The following TAF1B variants were observed in gnomAD, a reference collection of about 807,000 sequenced individuals.
TAF1B encodes the protein TATA box-binding protein-associated factor RNA polymerase I subunit B.
In TAF1B, 61 loss-of-function variants were observed where a neutral mutation model predicts 83.9. The observed-to-expected ratio is 0.73, with a 90% confidence interval of 0.59 to 0.90. The LOEUF is 0.90. TAF1B is among the 40% of genes least tolerant of loss of function. The probability of loss-of-function intolerance (pLI) is 0.00; values close to 1 mark genes in which losing one functional copy is unlikely to be tolerated. For synonymous variants in TAF1B, 221 were observed against 224.6 expected, an observed-to-expected ratio of 0.98 and a Z score of 0.14; for missense variants, 625 against 677.0, an observed-to-expected ratio of 0.92 and a Z score of 0.85.
At chr2:9,931,132 C>A (rs1666198312) in intron 14 of TAF1B, among the ~76,000 whole-genome samples, 1 of 152,120 alleles carries the variant, frequency 6.6e-6, no homozygotes, top group African/African-American at 2.4e-5. Flanking sequence ...ATTTGCCAGT[C>A]TGTGTCTTTT....
At chr2:9,885,054 G>T (rs1217802200) in intron 8 of TAF1B, among the ~76,000 whole-genome samples, 1 of 152,204 alleles carries the variant, frequency 6.6e-6, no homozygotes, top group Non-Finnish European at 1.5e-5. Flanking sequence ...GAAGTATAGT[G>T]TAACAAATTC....
intron 6 of TAF1B, among the ~76,000 whole-genome samples, chr2:9,870,136 C>A (rs926482174): frequency 6.6e-6 from 1 of 151,982 alleles, no homozygotes; most frequent in Non-Finnish European, 1.5e-5. Flanking sequence ...CAAAACTCTA[C>A]AAATCATTCT....
At chr2:9,882,666 A>G (rs773272591) in intron 7 of TAF1B, 40 bp from the exon 8 acceptor site, 1 of 1,433,296 alleles carries the variant, frequency 7.0e-7, no homozygotes, top group Non-Finnish European at 9.7e-7. Flanking sequence ...CTATATCAGT[A>G]TATAACTCTC....
At chr2:9,872,878 A>G (rs1664211882) in intron 6 of TAF1B, among the ~76,000 whole-genome samples, 1 of 152,218 alleles carries the variant, frequency 6.6e-6, no homozygotes, top group East Asian at 1.9e-4. Flanking sequence ...TTGCAGTTCC[A>G]TTACGTTCTC....
chr2:9,926,375 C>G (rs1666038544), intron 14 of TAF1B, among the ~76,000 whole-genome samples: 1 of 152,306 alleles, frequency 6.6e-6, no homozygotes, highest in South Asian at 2.1e-4. Context: ...GGCCCCACCT[C>G]TTTATCTCTC....
In TAF1B at chr2:9,878,785, C is replaced by CA. The variant is rs548290356; in HGVS notation, c.707+2770dup. 7.9e-5 allele frequency among the ~76,000 whole-genome samples: 12 copies of CA among 152,270 alleles called. No individual in the cohort carries two copies. The South Asian group carries it at 2.5e-3, about 32-fold the overall frequency. On this transcript the variant is annotated intron_variant, in intron 7 of 14. Coordinates refer to ENST00000263663, the MANE Select transcript of TAF1B (RefSeq NM_005680.3). ...ATTTCAAGACCAGAGGAGGAAAAAACAAACACATACATATGGTTGGTGCAA... is the reference window on the plus strand; with the variant it reads ...ATTTCAAGACCAGAGGAGGAAAAAACAAAACACATACATATGGTTGGTGCAA...
chr2:9,843,640 C>G, intron 1 of TAF1B, 81 bp downstream of exon 1: 1 of 1,390,040 alleles, frequency 7.2e-7, no homozygotes, highest in South Asian at 1.5e-5. Context: ...CGGAGGACGC[C>G]GCGGGTTGGG....
intron 2 of TAF1B, chr2:9,846,283 T>A: frequency 2.7e-6 from 1 of 364,672 alleles, no homozygotes; most frequent in Non-Finnish European, 5.4e-6. Context: ...TAAACGAGGC[T>A]ACCTTCACAT....
intron 6 of TAF1B, among the ~76,000 whole-genome samples, chr2:9,874,523 C>T (rs1664263268): frequency 6.6e-6 from 1 of 152,132 alleles, no homozygotes; most frequent in Non-Finnish European, 1.5e-5. Flanking sequence ...CCTCCTGTCT[C>T]ATCCTCCCTA....
chr2:9,891,074 C>T (rs1664858058), intron 8 of TAF1B, among the ~76,000 whole-genome samples: 1 of 152,216 alleles, frequency 6.6e-6, no homozygotes, highest in African/African-American at 2.4e-5. Context: ...ACCTGGCCTA[C>T]TCTCTTACTT....
chr2:9,851,437 G>T, intron 3 of TAF1B, 104 bp from the exon 4 acceptor site: 1 of 889,794 alleles, frequency 1.1e-6, no homozygotes, highest in Non-Finnish European at 1.7e-6. Context: ...GAAAAAAAAA[G>T]AAAAATTCAA....
At position 9,910,909 on chromosome 2, in the gene TAF1B, G is replaced by A. The variant is rs150678685; in HGVS notation, c.1129G>A (p.Glu377Lys). Reference protein sequence around the residue: ...KLLFLLDDSFEWSLSNLAEKH... With the variant: ...KLLFLLDDSFKWSLSNLAEKH... Reference sequence around the variant, plus strand: ...GCTCTTTCTATTGGATGACAGTTTCGAGTGGTAAGTGTACGTCAATTTTAT... The same window carrying A: ...GCTCTTTCTATTGGATGACAGTTTCAAGTGGTAAGTGTACGTCAATTTTAT... Residue 377 changes from glutamate to lysine, a missense_variant, in exon 10 of 15, where the codon GAG (glutamate) becomes AAG (lysine). Glu to Lys is a moderately conservative substitution (Grantham distance 56, BLOSUM62 1). Coordinates refer to ENST00000263663, the MANE Select transcript of TAF1B (RefSeq NM_005680.3). The A allele has an allele frequency of 9.3e-6, 15 of 1,609,222 alleles. No homozygotes were observed. The highest frequency in any genetic ancestry group is 5.3e-5 in the African/African-American group (4 of 74,848).
At chr2:9,861,405 G>A (rs972188335) in intron 5 of TAF1B, among the ~76,000 whole-genome samples, 8 of 152,178 alleles carry the variant, frequency 5.3e-5, no homozygotes, top group Admixed American at 2.0e-4. Context: ...GGGGAGGGGC[G>A]CCCGCCATTG....
At chr2:9,898,521 G>T (rs1665085934) in intron 8 of TAF1B, among the ~76,000 whole-genome samples, 1 of 152,058 alleles carries the variant, frequency 6.6e-6, no homozygotes, top group African/African-American at 2.4e-5. Flanking sequence ...AACTGTTTGG[G>T]AACTATATCT....
chr2:9,884,649 C>T (rs1664616110), intron 8 of TAF1B, among the ~76,000 whole-genome samples: 1 of 152,194 alleles, frequency 6.6e-6, no homozygotes, highest in African/African-American at 2.4e-5. Flanking sequence ...GTCTTTGCAG[C>T]TCTCTCAGCA....
At chr2:9,843,703 T>C (rs937376381) in intron 1 of TAF1B, 144 bp downstream of exon 1, 9 of 961,116 alleles carry the variant, frequency 9.4e-6, no homozygotes, top group African/African-American at 3.5e-5. Flanking sequence ...CAGGGCGGGC[T>C]AAGGACTGGG....
chr2:9,927,017 C>CT, intron 14 of TAF1B, among the ~76,000 whole-genome samples: 2 of 380 alleles, frequency 5.3e-3, no homozygotes, highest in African/African-American at 0.012. Context: ...GTTGTCCCTC[C>CT]CCCTGCCCCC....
chr2:9,861,588 G>T (rs2125141618), intron 5 of TAF1B, among the ~76,000 whole-genome samples: 1 of 152,372 alleles, frequency 6.6e-6, no homozygotes, highest in East Asian at 1.9e-4. Flanking sequence ...TGACAGCTTT[G>T]AAGAGAGCAG....
chr2:9,880,774 A>G (rs1664479747), intron 7 of TAF1B, among the ~76,000 whole-genome samples: 1 of 152,166 alleles, frequency 6.6e-6, no homozygotes. Flanking sequence ...ATAGGAGTGA[A>G]GACTACATAA....
Sources: gnomAD v4.1 joint callset for allele counts (sites outside exome capture counted in the v4.1 genomes callset) on GRCh38, gnomAD v4.1.1 for gene constraint, MANE v1.5 for transcripts, NCBI Gene and HGNC (gene_info 2026-07-23, HGNC 2026-07-21) for gene names.